AATF: variants seen among roughly 807,000 people sequenced by gnomAD.
AATF encodes the protein protein AATF.
AATF carries 48 observed loss-of-function variants against 63.7 expected under a neutral mutation model. The ratio of observed to expected loss-of-function variants is 0.75; its 90% CI spans 0.60 to 0.96. The LOEUF (loss-of-function observed/expected upper bound fraction) is 0.96. AATF is among the 40% of genes least tolerant of loss of function. The pLI, the probability that AATF is intolerant of heterozygous loss-of-function variation, is 0.00. For synonymous variants in AATF, 258 were observed against 247.7 expected, an observed-to-expected ratio of 1.04 and a Z score of -0.39; for missense variants, 639 against 685.7, an observed-to-expected ratio of 0.93 and a Z score of 0.76.
chr17:37,004,935 A>T (rs1424335738), intron 8 of AATF, among the ~76,000 whole-genome samples: 1 of 152,232 alleles, frequency 6.6e-6, no homozygotes, highest in Admixed American at 6.5e-5. Flanking sequence ...TTTGCCACCG[A>T]AGTACAGGGA....
At chr17:37,002,743 A>G (rs944730941) in intron 8 of AATF, among the ~76,000 whole-genome samples, 2 of 152,068 alleles carry the variant, frequency 1.3e-5, no homozygotes, top group African/African-American at 2.4e-5. Flanking sequence ...AATATTTAAC[A>G]CACTGAACAT....
chr17:36,985,842 C>G (rs2071164836), intron 4 of AATF, among the ~76,000 whole-genome samples: 1 of 152,188 alleles, frequency 6.6e-6, no homozygotes, highest in African/African-American at 2.4e-5. Context: ...AGCCACAGCG[C>G]CCGGCCGACC....
intron 10 of AATF, among the ~76,000 whole-genome samples, chr17:37,025,473 G>A (rs1452261542): frequency 6.6e-6 from 1 of 152,164 alleles, no homozygotes; most frequent in African/African-American, 2.4e-5. Context: ...CATAAAGAAT[G>A]CTGAGGAACA....
chr17:36,992,083 A>G (rs1567976177), intron 8 of AATF, among the ~76,000 whole-genome samples: 2 of 152,228 alleles, frequency 1.3e-5, no homozygotes, highest in Non-Finnish European at 2.9e-5. Flanking sequence ...GGGTTTAGCC[A>G]TGACTGCTGT....
chr17:37,039,248 C>T (rs999816934), intron 11 of AATF, among the ~76,000 whole-genome samples: 1 of 152,174 alleles, frequency 6.6e-6, no homozygotes. Context: ...TAAAAACTTG[C>T]AAGCAAGAAT....
At chr17:37,028,399 C>T (rs963299094) in intron 10 of AATF, among the ~76,000 whole-genome samples, 1 of 152,068 alleles carries the variant, frequency 6.6e-6, no homozygotes, top group African/African-American at 2.4e-5. Context: ...GCACACTGCA[C>T]TCCAGCCTGA....
intron 4 of AATF, among the ~76,000 whole-genome samples, chr17:36,966,224 A>C (rs1393170096): frequency 6.6e-6 from 1 of 152,052 alleles, no homozygotes; most frequent in African/African-American, 2.4e-5. Flanking sequence ...TTTTTTTAAA[A>C]AAATCAATTT....
At chr17:37,046,715 A>ACC (rs2071694595) in intron 11 of AATF, among the ~76,000 whole-genome samples, 1 of 147,674 alleles carries the variant, frequency 6.8e-6, no homozygotes, top group Admixed American at 6.9e-5. Context: ...TGAGCGATGC[A>ACC]TCCTGTGCTC....
intron 10 of AATF, among the ~76,000 whole-genome samples, chr17:37,025,324 G>A (rs1460255894): frequency 6.6e-6 from 1 of 152,220 alleles, no homozygotes; most frequent in East Asian, 1.9e-4. Flanking sequence ...AGAGGAGGAT[G>A]TGGGTATTTA....
chr17:37,044,915 G>C (rs1054343234), intron 11 of AATF, among the ~76,000 whole-genome samples: 2 of 152,138 alleles, frequency 1.3e-5, no homozygotes, highest in Non-Finnish European at 2.9e-5. Flanking sequence ...CCCCAGCAGG[G>C]CTCTGTAGTG....
chr17:37,037,697 G>A (rs2071604631), intron 11 of AATF, among the ~76,000 whole-genome samples: 1 of 152,242 alleles, frequency 6.6e-6, no homozygotes, highest in Non-Finnish European at 1.5e-5. Flanking sequence ...AGTAAAGCCA[G>A]TGTTGGATGC....
chr17:37,055,336 CT>C (rs1300856606), intron 11 of AATF: 1 of 152,126 alleles, frequency 6.6e-6, no homozygotes, highest in Non-Finnish European at 1.5e-5. Flanking sequence ...TTTCTTTTGA[CT>C]TTTTTAAAGC....
intron 11 of AATF, among the ~76,000 whole-genome samples, chr17:37,041,697 G>T (rs549073544): frequency 4.8e-4 from 73 of 152,138 alleles, no homozygotes; most frequent in Non-Finnish European, 9.0e-4. Flanking sequence ...TAGAGACGGG[G>T]TATTGCCATG....
At chr17:36,949,245 C>A in intron 1 of AATF, 29 bp downstream of exon 1, 1 of 1,564,554 alleles carries the variant, frequency 6.4e-7, no homozygotes. Context: ...AGGCCACGTG[C>A]GGAGCGGTGG....
In AATF at chr17:37,001,405, GAGGAAGGAAGGA is replaced by G. The variant is rs1212807271; in HGVS notation, c.1398+10587_1398+10598del. On this transcript the variant is annotated intron_variant, in intron 8 of 11. Coordinates refer to ENST00000619387, the MANE Select transcript of AATF (RefSeq NM_012138.4). ...AGAAAAAGGTATGGGAGGAGGGAGG[GAGGAAGGAAGGA>G]AGGAAGGAAGGAAGGAAGGAAGGAA... Among the ~76,000 whole-genome samples, 205 of 63,818 alleles carry G rather than the reference GAGGAAGGAAGGA, an allele frequency of 3.2e-3. 1 individual carries two copies. The highest frequency in any genetic ancestry group is 0.012 in the African/African-American group (172 of 14,566). 41.9% of individuals were successfully genotyped at this position (63,818 alleles called of 152,430 possible). A position where few individuals can be genotyped will look rare whatever the true frequency, so the allele number is the denominator to read the frequency against.
Position 36,989,343 on chromosome 17 carries a change from G to C in AATF, c.1246G>C (p.Val416Leu). 6.2e-7 allele frequency: 1 copy of C among 1,614,044 alleles called. No homozygotes were observed. Among genetic ancestry groups the C allele is most frequent in the Non-Finnish European group, 8.5e-7 (1 of 1,179,970 alleles). ...TCGAAGGACACAGACCAAGCGCTCT[G>C]TCTATCGAGTTCTTGGCAAACCTGA... ...LLRRTQTKRS[V>L]YRVLGKPEPA... Residue 416 changes from valine to leucine, a missense_variant, in exon 7 of 12, where the codon GTC becomes CTC. Coordinates refer to ENST00000619387, the MANE Select transcript of AATF (RefSeq NM_012138.4).
At chr17:37,017,355 C>T (rs2071436350) in intron 8 of AATF, among the ~76,000 whole-genome samples, 1 of 152,070 alleles carries the variant, frequency 6.6e-6, no homozygotes, top group Non-Finnish European at 1.5e-5. Context: ...CACTCCCCCT[C>T]ACTCCCCCTA....
intron 4 of AATF, among the ~76,000 whole-genome samples, chr17:36,965,390 T>C (rs1324977914): frequency 6.6e-6 from 1 of 152,210 alleles, no homozygotes; most frequent in African/African-American, 2.4e-5. Flanking sequence ...TCTGACCCTA[T>C]TGCCTTCCTC....
At chr17:37,022,723 G>T (rs2071482036) in intron 10 of AATF, among the ~76,000 whole-genome samples, 1 of 152,146 alleles carries the variant, frequency 6.6e-6, no homozygotes, top group African/African-American at 2.4e-5. Context: ...TAATATATCA[G>T]CCTTGAATGG....
Sources: allele counts gnomAD v4.1 joint callset (sites outside exome capture counted in the v4.1 genomes callset), GRCh38; gene constraint gnomAD v4.1.1; transcripts MANE v1.5; gene names NCBI Gene and HGNC (gene_info 2026-07-23, HGNC 2026-07-21).